ANKS1A: variants seen among roughly 807,000 people sequenced by gnomAD.
ANKS1A encodes ankyrin repeat and sterile alpha motif domain containing 1A, also known as ankyrin repeat and SAM domain-containing protein 1A.
A neutral mutation model predicts 120.3 loss-of-function variants in ANKS1A; 55 were observed. That is an observed-to-expected ratio of 0.46 (90% CI 0.37 to 0.57). The LOEUF is 0.57. Ranked by LOEUF, ANKS1A falls within the 20% of genes least tolerant of loss-of-function variation. The pLI, the probability that ANKS1A is intolerant of heterozygous loss-of-function variation, is 0.00. For missense variants in ANKS1A, 1,123 were observed against 1,480.3 expected (o/e 0.76, Z 3.96); for synonymous variants, 590 against 604.7 (o/e 0.98, Z 0.36).
chr6:34,967,378 G>C lies in ANKS1A; in HGVS notation c.278+59G>C, dbSNP rs372095904. The C allele has an allele frequency of 8.0e-5, 124 of 1,555,468 alleles. No individual in the cohort carries two copies. The African/African-American group carries it at 1.6e-3, about 20-fold the overall frequency. ...CCTTCAGAACCCAGGCCTTCACGTTGCCTTTTCATTTCCTAGAAAAGTTTG... is the reference window on the plus strand; with the variant it reads ...CCTTCAGAACCCAGGCCTTCACGTTCCCTTTTCATTTCCTAGAAAAGTTTG... On this transcript the variant is annotated intron_variant, in intron 2 of 23. Coordinates refer to ENST00000360359, the MANE Select transcript of ANKS1A (RefSeq NM_015245.3).
At chr6:34,895,947 G>T (rs1046608980) in intron 1 of ANKS1A, among the ~76,000 whole-genome samples, 1 of 151,574 alleles carries the variant, frequency 6.6e-6, no homozygotes, top group African/African-American at 2.4e-5. Context: ...ACGTATTTTA[G>T]TAGGGACGGG....
At chr6:34,901,671 C>T (rs1411096598) in intron 1 of ANKS1A, among the ~76,000 whole-genome samples, 6 of 152,104 alleles carry the variant, frequency 3.9e-5, no homozygotes, top group East Asian at 1.9e-4. Context: ...ACACCATGCC[C>T]GGTTAATTTT....
Position 35,083,476 on chromosome 6 carries a change from T to C in ANKS1A, c.2967T>C (p.Gly989=). The C allele has an allele frequency of 6.2e-7, 1 of 1,613,916 alleles. No homozygotes were observed. The highest frequency in any genetic ancestry group is 1.3e-5 in the African/African-American group (1 of 74,962). Residue 989 remains glycine (G), a synonymous_variant, in exon 20 of 24, where the codon GGT becomes GGC. Coordinates refer to ENST00000360359, the MANE Select transcript of ANKS1A (RefSeq NM_015245.3). ...PTIILSITYK[G]VKFIDASNKN... is the part of the protein sequence containing the mutation. ...TCATCCTGTCCATCACATACAAAGG[T>C]GTCAAGTTCATCGATGCCTCCAACA...
intron 1 of ANKS1A, among the ~76,000 whole-genome samples, chr6:34,930,284 A>G (rs1274672654): frequency 1.3e-5 from 2 of 152,176 alleles, no homozygotes; most frequent in African/African-American, 2.4e-5. Flanking sequence ...TGGTAGGTAC[A>G]TCTCTCCTGG....
At chr6:35,034,643 G>C (rs1366405915) in intron 11 of ANKS1A, among the ~76,000 whole-genome samples, 1 of 152,170 alleles carries the variant, frequency 6.6e-6, no homozygotes, top group Admixed American at 6.5e-5. Flanking sequence ...TGTAGTCTTG[G>C]TATTACTCAG....
intron 1 of ANKS1A, among the ~76,000 whole-genome samples, chr6:34,933,452 C>G (rs1769096167): frequency 6.6e-6 from 1 of 152,178 alleles, no homozygotes; most frequent in South Asian, 2.1e-4. Context: ...CTCACTGCAA[C>G]CACCGCCTCC....
At chr6:34,930,967 C>A (rs847856) in intron 1 of ANKS1A, among the ~76,000 whole-genome samples, 1 of 151,290 alleles carries the variant, frequency 6.6e-6, no homozygotes, top group South Asian at 2.1e-4. Flanking sequence ...ACCTCTGCCC[C>A]CTGGGTTCAA....
At position 35,090,369 on chromosome 6, in the gene ANKS1A, G is replaced by A; in HGVS notation, c.*1760G>A. 1 of 1,251,340 alleles carries A rather than the reference G, an allele frequency of 8.0e-7. No homozygotes were observed. The highest frequency in any genetic ancestry group is 1.0e-6 in the Non-Finnish European group (1 of 968,526). The allele number at this position is 1,251,340 out of a possible 1,614,324, so 77.5% of individuals were successfully genotyped here. A position where few individuals can be genotyped will look rare whatever the true frequency, so the allele number is the denominator to read the frequency against. On this transcript the variant is annotated 3_prime_UTR_variant, in exon 24 of 24. Coordinates refer to ENST00000360359, the MANE Select transcript of ANKS1A (RefSeq NM_015245.3). ...GCTGGTGCCCGTCTTCCTCCTAAGGGGCCAGGCCACATCCAAGTGGGCCTC... is the reference window on the plus strand; with the variant it reads ...GCTGGTGCCCGTCTTCCTCCTAAGGAGCCAGGCCACATCCAAGTGGGCCTC...
At chr6:35,067,461 G>C (rs1776832410) in intron 13 of ANKS1A, among the ~76,000 whole-genome samples, 1 of 152,200 alleles carries the variant, frequency 6.6e-6, no homozygotes, top group Admixed American at 6.5e-5. Context: ...ACCTGTAGTA[G>C]CGGCCGGCCA....
intron 10 of ANKS1A, among the ~76,000 whole-genome samples, chr6:35,007,400 T>TTTTATTTAA (rs1773519632): frequency 1.3e-5 from 2 of 152,254 alleles, no homozygotes; most frequent in African/African-American, 4.8e-5. Context: ...TAACTGGGTA[T>TTTTATTTAA]TCCTGTTGAA....
chr6:34,903,416 G>A (rs1015496211), intron 1 of ANKS1A, among the ~76,000 whole-genome samples: 1 of 151,718 alleles, frequency 6.6e-6, no homozygotes. Flanking sequence ...TGGGATCATA[G>A]CTCAAGCTCT....
chr6:34,993,263 T>C (rs1430870757), intron 9 of ANKS1A, among the ~76,000 whole-genome samples: 5 of 152,230 alleles, frequency 3.3e-5, no homozygotes, highest in Admixed American at 6.5e-5. Context: ...AGCAAGGACA[T>C]CCATTGTCTC....
At chr6:35,018,375 T>C (rs1774154962) in intron 11 of ANKS1A, among the ~76,000 whole-genome samples, 1 of 152,146 alleles carries the variant, frequency 6.6e-6, no homozygotes. Flanking sequence ...GAGAGAATCA[T>C]GCTCACCCTG....
At chr6:35,078,212 C>T (rs1777466849) in intron 13 of ANKS1A, among the ~76,000 whole-genome samples, 1 of 152,170 alleles carries the variant, frequency 6.6e-6, no homozygotes, top group African/African-American at 2.4e-5. Flanking sequence ...TAGGATGAGT[C>T]CACTAGTTCT....
chr6:34,907,516 C>T (rs1001833502), intron 1 of ANKS1A, among the ~76,000 whole-genome samples: 3 of 152,062 alleles, frequency 2.0e-5, no homozygotes, highest in African/African-American at 2.4e-5. Flanking sequence ...TTTTTATCTG[C>T]GTTTGGTTGG....
chr6:35,086,902 G>A lies in ANKS1A; in HGVS notation c.3304-50G>A. On this transcript the variant is annotated intron_variant, in intron 22 of 23. Coordinates refer to ENST00000360359, the MANE Select transcript of ANKS1A (RefSeq NM_015245.3). The surrounding 1 kb of genome is among the most constrained non-coding windows in gnomAD (Gnocchi z 5.1). ...GGGTGGGAGGGGCCTGCTGCCTCCAGCCCTGGCACAGAGCTCCCTCTGACT... is the reference window on the plus strand; with the variant it reads ...GGGTGGGAGGGGCCTGCTGCCTCCAACCCTGGCACAGAGCTCCCTCTGACT... The A allele has an allele frequency of 1.3e-6, 2 of 1,582,966 alleles. No homozygotes were observed. Among genetic ancestry groups the A allele is most frequent in the Non-Finnish European group, 8.7e-7 (1 of 1,151,998 alleles).
chr6:34,905,880 G>A (rs149278344), intron 1 of ANKS1A, among the ~76,000 whole-genome samples: 33 of 152,286 alleles, frequency 2.2e-4, no homozygotes, highest in Non-Finnish European at 4.4e-4. Flanking sequence ...CTGGGGTCTG[G>A]CAAGTATCCA....
chr6:35,027,781 G>C (rs1258475168), intron 11 of ANKS1A, among the ~76,000 whole-genome samples: 1 of 152,168 alleles, frequency 6.6e-6, no homozygotes, highest in Non-Finnish European at 1.5e-5. Context: ...CCTTTATCCT[G>C]CTTTCTTCTC....
chr6:34,986,399 C>T (rs532311789), intron 8 of ANKS1A, among the ~76,000 whole-genome samples: 6 of 152,208 alleles, frequency 3.9e-5, no homozygotes, highest in East Asian at 1.9e-4. Flanking sequence ...TCCACTGCCA[C>T]GCACAACAAT....
Sources: gnomAD v4.1 joint callset for allele counts (sites outside exome capture counted in the v4.1 genomes callset) on GRCh38, gnomAD v4.1.1 for gene constraint, Gnocchi (gnomAD v3.1) non-coding constraint, MANE v1.5 for transcripts, NCBI Gene and HGNC (gene_info 2026-07-23, HGNC 2026-07-21) for gene names.